The following CAPRIN1 variants were observed in gnomAD, a reference collection of about 807,000 sequenced individuals.
CAPRIN1 encodes the protein cell cycle associated protein 1, also known as caprin-1.
Under a neutral mutation model 100.9 loss-of-function variants are expected in CAPRIN1, and 29 were observed. That is an observed-to-expected ratio of 0.29 (90% CI 0.21 to 0.39). The LOEUF is 0.39. Ranked by LOEUF, CAPRIN1 falls within the 10% of genes least tolerant of loss-of-function variation. The pLI is 1.00. For missense variants in CAPRIN1, 795 were observed against 876.7 expected, an observed-to-expected ratio of 0.91 and a Z score of 1.18; for synonymous variants, 338 against 307.5, an observed-to-expected ratio of 1.10 and a Z score of -1.04.
rs140047258 is a variant in CAPRIN1, at chr11:34,073,323, G to C, written c.366+1336G>C. ...GAAACAGATCCAATAGGATAGAAAGGGGGCTGATGGGCAGAGGCCATCACA... is the reference window on the plus strand; with the variant it reads ...GAAACAGATCCAATAGGATAGAAAGCGGGCTGATGGGCAGAGGCCATCACA... On this transcript the variant is annotated intron_variant, in intron 4 of 18. Coordinates refer to ENST00000341394, the MANE Select transcript of CAPRIN1 (RefSeq NM_005898.5). Among the ~76,000 whole-genome samples, 128 of 152,266 alleles carry C rather than the reference G, an allele frequency of 8.4e-4. 1 individual carries two copies. Among genetic ancestry groups the C allele is most frequent in the African/African-American group, 2.9e-3 (120 of 41,558 alleles).
chr11:34,068,190 G>A (rs1850737187), intron 2 of CAPRIN1, among the ~76,000 whole-genome samples: 1 of 152,288 alleles, frequency 6.6e-6, no homozygotes, highest in East Asian at 1.9e-4. Context: ...TTCATGGCAT[G>A]GCTTCCTCAT....
chr11:34,086,518 AT>A, intron 11 of CAPRIN1, 105 bp downstream of exon 11: 1 of 635,098 alleles, frequency 1.6e-6, no homozygotes. Context: ...TGACTGTTTA[AT>A]TTTGACTCTT....
In CAPRIN1 at chr11:34,052,546, C is replaced by G. The variant is rs748550185; in HGVS notation, c.126C>G (p.Pro42=). The G allele has an allele frequency of 3.1e-6, 5 of 1,608,882 alleles. No individual in the cohort carries two copies. The highest frequency in any genetic ancestry group is 8.5e-7 in the Non-Finnish European group (1 of 1,178,360). ...CCGCCGCGCCGGCTTCTCAGCACCC[C>G]GCAACCGGCACCGGCGCTGTCCAGA... ...AGAAAPASQH[P]ATGTGAVQTE... is the part of the protein sequence containing the mutation. The change falls in exon 2 of 19, where the codon CCC becomes CCG. Residue 42 remains proline, a synonymous_variant. Transcript: ENST00000341394.
In CAPRIN1 at chr11:34,101,191, G is replaced by A. The variant is rs1851448896; in HGVS notation, c.*1824G>A. On this transcript the variant is annotated 3_prime_UTR_variant, in exon 19 of 19. Coordinates refer to ENST00000341394, the MANE Select transcript of CAPRIN1 (RefSeq NM_005898.5). ...TGGTTGTGGTACATCATATTGGAAG[G>A]GTTAACCTGTTACTTTGGCAAATGA... 1 of 152,230 alleles carries A rather than the reference G, an allele frequency of 6.6e-6. No individual in the cohort carries two copies. The highest frequency in any genetic ancestry group is 1.5e-5 in the Non-Finnish European group (1 of 67,988). 9.4% of individuals were successfully genotyped at this position (152,230 alleles called of 1,614,324 possible).
chr11:34,087,938 T>A (rs931192152), intron 11 of CAPRIN1, among the ~76,000 whole-genome samples: 5 of 151,844 alleles, frequency 3.3e-5, no homozygotes, highest in African/African-American at 1.2e-4. Flanking sequence ...GGTGAGAGAG[T>A]GATGGGAATT....
At chr11:34,070,888 G>T (rs1027600582) in intron 2 of CAPRIN1, among the ~76,000 whole-genome samples, 2 of 151,654 alleles carry the variant, frequency 1.3e-5, no homozygotes, top group African/African-American at 4.8e-5. Flanking sequence ...TTTTAGTAGA[G>T]ACGAGGTTTC....
At chr11:34,081,054 C>T (rs1332301059) in intron 7 of CAPRIN1, among the ~76,000 whole-genome samples, 1 of 152,046 alleles carries the variant, frequency 6.6e-6, no homozygotes, top group African/African-American at 2.4e-5. Context: ...TCTGAAATAG[C>T]TACTGTTGAA....
chr11:34,052,820 C>T, intron 2 of CAPRIN1, 184 bp downstream of exon 2: 3 of 1,450,156 alleles, frequency 2.1e-6, no homozygotes, highest in Admixed American at 5.7e-5. Flanking sequence ...AGAAAACGGG[C>T]TCTTGGAAGA....
In CAPRIN1 at chr11:34,076,358, A is replaced by C. The variant is rs756984545; in HGVS notation, c.489A>C (p.Glu163Asp). ...TTTTGGACAAATTGGGAGATGATGA[A>C]GTGCGGACTGACCTGAAACAAGGTT... is the stretch of plus-strand genomic sequence containing the variant. ...QYVLDKLGDDEVRTDLKQGLN... is the reference protein window; with the variant it reads ...QYVLDKLGDDDVRTDLKQGLN... Residue 163 changes from glutamate to aspartate, a missense_variant, in exon 5 of 19, where the codon GAA (glutamate) becomes GAC (aspartate). By Grantham distance (45) the Glu-to-Asp change is conservative. Around this residue, in one of 3 missense-constraint regions of CAPRIN1, gnomAD observed 648 missense variants for 697.9 expected, o/e 0.93. Coordinates refer to ENST00000341394, the MANE Select transcript of CAPRIN1 (RefSeq NM_005898.5). 9 of 1,614,210 alleles carry C rather than the reference A, an allele frequency of 5.6e-6. No individual in the cohort carries two copies. The highest frequency in any genetic ancestry group is 5.5e-5 in the South Asian group (5 of 91,088).
intron 15 of CAPRIN1, 96 bp downstream of exon 15, chr11:34,092,152 G>A (rs1023454896): frequency 7.9e-7 from 1 of 1,260,688 alleles, no homozygotes; most frequent in Non-Finnish European, 1.1e-6. Context: ...TGGTGTCCAA[G>A]AGTTTCTGTT....
chr11:34,060,482 G>A (rs746297228), intron 2 of CAPRIN1, among the ~76,000 whole-genome samples: 12 of 152,240 alleles, frequency 7.9e-5, no homozygotes, highest in Non-Finnish European at 1.6e-4. Flanking sequence ...TGGGATTACA[G>A]GGTTGACCCA....
chr11:34,068,932 G>GA (rs1850753980), intron 2 of CAPRIN1, among the ~76,000 whole-genome samples: 1 of 152,024 alleles, frequency 6.6e-6, no homozygotes, highest in Non-Finnish European at 1.5e-5. Flanking sequence ...CAATTTTCTT[G>GA]AAAAATGTAC....
chr11:34,091,368 T>C (rs924940900), intron 14 of CAPRIN1, among the ~76,000 whole-genome samples: 8 of 152,164 alleles, frequency 5.3e-5, no homozygotes, highest in African/African-American at 1.2e-4. Flanking sequence ...CTCACTGCAA[T>C]ATCCGCCTCC....
chr11:34,065,818 A>C (rs1354301207), intron 2 of CAPRIN1, among the ~76,000 whole-genome samples: 1 of 152,180 alleles, frequency 6.6e-6, no homozygotes, highest in African/African-American at 2.4e-5. Flanking sequence ...GTTTCTTAGA[A>C]ACTTTGATCA....
chr11:34,087,324 C>G (rs1851166503), intron 11 of CAPRIN1, among the ~76,000 whole-genome samples: 1 of 132,068 alleles, frequency 7.6e-6, no homozygotes, highest in Non-Finnish European at 1.6e-5. Flanking sequence ...GCTCATATCT[C>G]TCACATTTTT....
chr11:34,066,891 C>T (rs533139274), intron 2 of CAPRIN1, among the ~76,000 whole-genome samples: 2 of 151,472 alleles, frequency 1.3e-5, no homozygotes, highest in African/African-American at 4.8e-5. Flanking sequence ...CTCAGCCTCC[C>T]GAAGTGCTAG....
chr11:34,080,471 TG>T (rs1851005921), intron 7 of CAPRIN1, among the ~76,000 whole-genome samples: 1 of 152,210 alleles, frequency 6.6e-6, no homozygotes, highest in Non-Finnish European at 1.5e-5. Context: ...TAGTATGAGT[TG>T]CTTTTGTTTT....
At chr11:34,079,905 GTTTTTTT>G (rs377455073) in intron 7 of CAPRIN1, 140 bp downstream of exon 7, 9 of 331,952 alleles carry the variant, frequency 2.7e-5, no homozygotes, top group Admixed American at 1.2e-4. Flanking sequence ...GCATGACAAA[GTTTTTTT>G]TTTTTTTTTT....
intron 2 of CAPRIN1, among the ~76,000 whole-genome samples, chr11:34,057,764 G>A (rs1850482905): frequency 6.6e-6 from 1 of 152,024 alleles, no homozygotes; most frequent in South Asian, 2.1e-4. Context: ...CGTTGCCCAG[G>A]CTGGAGTGTA....
Sources: gnomAD v4.1 joint callset for allele counts (sites outside exome capture counted in the v4.1 genomes callset) on GRCh38, gnomAD v4.1.1 for gene constraint, gnomAD v4.1.1 regional missense constraint, MANE v1.5 for transcripts, NCBI Gene and HGNC (gene_info 2026-07-23, HGNC 2026-07-21) for gene names.